Variants in FHIP1A observed in about 807,000 individuals in gnomAD.
FHIP1A encodes FHF complex subunit HOOK-interacting protein 1A.
Under a neutral mutation model 88.6 loss-of-function variants are expected in FHIP1A, and 61 were observed. That is an observed-to-expected ratio of 0.69 (90% CI 0.56 to 0.85). The LOEUF is 0.85. FHIP1A is among the 40% of genes least tolerant of loss of function. The pLI, the probability that FHIP1A is intolerant of heterozygous loss-of-function variation, is 0.00. For missense variants in FHIP1A, 1,154 were observed against 1,273.5 expected, an observed-to-expected ratio of 0.91 and a Z score of 1.43; for synonymous variants, 478 against 496.0, an observed-to-expected ratio of 0.96 and a Z score of 0.48.
At chr4:151,437,895 ACTT>A (rs1236785551) in intron 1 of FHIP1A, among the ~76,000 whole-genome samples, 9 of 152,144 alleles carry the variant, frequency 5.9e-5, no homozygotes, top group African/African-American at 2.2e-4. Context: ...AGAAAAGGAA[ACTT>A]CTTTTTTTAG....
intron 6 of FHIP1A, 65 bp from the exon 7 acceptor site, chr4:151,588,774 TG>T: frequency 9.9e-7 from 1 of 1,006,688 alleles, no homozygotes; most frequent in South Asian, 1.4e-5. Flanking sequence ...TACACAGAAT[TG>T]TTTTATTTTA....
chr4:151,443,724 T>TGTGTGTG (rs370363970), intron 1 of FHIP1A, among the ~76,000 whole-genome samples: 25 of 148,266 alleles, frequency 1.7e-4, no homozygotes, highest in East Asian at 4.0e-4. Context: ...TGTGTGTGTG[T>TGTGTGTG]TTAGTACTGG....
chr4:151,546,855 G>T (rs1234384160), intron 3 of FHIP1A, among the ~76,000 whole-genome samples: 1 of 152,166 alleles, frequency 6.6e-6, no homozygotes, highest in African/African-American at 2.4e-5. Context: ...TGCTACTTTA[G>T]AGCCTAAATC....
intron 3 of FHIP1A, among the ~76,000 whole-genome samples, chr4:151,524,507 C>T (rs1455120657): frequency 2.0e-5 from 3 of 152,044 alleles, no homozygotes; most frequent in African/African-American, 7.3e-5. Context: ...TCCAAGATTC[C>T]TCTTCTTTAC....
rs533698876 is a variant in FHIP1A at position 151,632,428 on chromosome 4, A to G, written c.1146+2559A>G. Among the ~76,000 whole-genome samples the G allele has an allele frequency of 4.9e-4, 75 of 152,136 alleles. No homozygotes were observed. In the Middle Eastern group the frequency reaches 0.01, roughly 21 times the overall value. ...CCCTACTTAAATAGTGGATAAAAAT[A>G]TCAGACAGAAGATAAAGAAGGAAAC... On this transcript the variant is annotated intron_variant, in intron 8 of 13. Transcript: ENST00000435205.
chr4:151,419,230 C>CT (rs1353647182), intron 1 of FHIP1A, among the ~76,000 whole-genome samples: 1 of 152,160 alleles, frequency 6.6e-6, no homozygotes, highest in Non-Finnish European at 1.5e-5. Flanking sequence ...TACAAAAAGA[C>CT]TGAGTAAGGG....
chr4:151,515,985 A>G (rs939438077), intron 3 of FHIP1A, among the ~76,000 whole-genome samples: 3 of 152,254 alleles, frequency 2.0e-5, no homozygotes, highest in African/African-American at 7.2e-5. Flanking sequence ...AAGAGCCCAC[A>G]TCGCCAAGTC....
In FHIP1A at chr4:151,629,837, ACT is replaced by A; in HGVS notation, c.1118_1119del (p.Leu373HisfsTer27). On this transcript the variant is annotated frameshift_variant, in exon 8 of 14. Transcript: ENST00000435205. LOFTEE classifies it high-confidence loss of function. ...GCACGAGAATGTCCACATCCTAGAC[ACT>A]CTCACGAGTCGAATCAACACCCCGT... ...HQHENVHILD[T>X]LTSRINTPFR... 2 of 1,551,198 alleles carry A rather than the reference ACT, an allele frequency of 1.3e-6. No homozygotes were observed. The highest frequency in any genetic ancestry group is 1.7e-6 in the Non-Finnish European group (2 of 1,146,748).
At chr4:151,485,902 A>G (rs1224830742) in intron 3 of FHIP1A, among the ~76,000 whole-genome samples, 1 of 152,020 alleles carries the variant, frequency 6.6e-6, no homozygotes, top group African/African-American at 2.4e-5. Context: ...GTTTATATTT[A>G]ACAAGCCCTC....
chr4:151,650,095 T>G lies in FHIP1A; in HGVS notation c.2054T>G (p.Leu685Arg). The G allele has an allele frequency of 6.4e-7, 1 of 1,551,544 alleles. No individual in the cohort carries two copies. The change falls in exon 11 of 14, where the codon CTC (leucine) becomes CGC (arginine). Residue 685 changes from leucine (L) to arginine (R), a missense_variant. Transcript: ENST00000435205. ...QSVPINNGPLLSTQPETDSEE... is the reference protein window; with the variant it reads ...QSVPINNGPLRSTQPETDSEE... ...GTCCCCATCAACAACGGCCCCCTCC[T>G]CAGCACCCAGCCAGAGACAGATTCA...
intron 3 of FHIP1A, chr4:151,534,651 A>G (rs182242700): frequency 3.3e-4 from 51 of 152,370 alleles, no homozygotes; most frequent in African/African-American, 1.2e-3. Flanking sequence ...CCAAGTAATT[A>G]TAGTGTATTT....
intron 1 of FHIP1A, among the ~76,000 whole-genome samples, chr4:151,419,253 C>CCT (rs748557834): frequency 6.6e-6 from 1 of 151,092 alleles, no homozygotes; most frequent in East Asian, 1.9e-4. Flanking sequence ...AATTCACTCT[C>CCT]CTCTCTCTCT....
intron 2 of FHIP1A, among the ~76,000 whole-genome samples, chr4:151,473,363 C>T (rs529434957): frequency 6.6e-6 from 1 of 151,978 alleles, no homozygotes; most frequent in South Asian, 2.1e-4. Flanking sequence ...ATAGTTAATG[C>T]TCCTTCATTT....
chr4:151,492,955 CCAG>C (rs1730338227), intron 3 of FHIP1A, among the ~76,000 whole-genome samples: 1 of 151,936 alleles, frequency 6.6e-6, no homozygotes, highest in South Asian at 2.1e-4. Context: ...AAACCAAAAC[CCAG>C]CAGAAGGAAA....
intron 3 of FHIP1A, among the ~76,000 whole-genome samples, chr4:151,562,838 GA>G (rs1204547626): frequency 6.6e-6 from 1 of 152,102 alleles, no homozygotes. Context: ...GTCTATCTGG[GA>G]ATGAAGTTTT....
chr4:151,456,239 G>T (rs181548755), intron 2 of FHIP1A, among the ~76,000 whole-genome samples: 23 of 152,186 alleles, frequency 1.5e-4, no homozygotes, highest in Non-Finnish European at 3.1e-4. Context: ...CATTGAAAAG[G>T]TTCTTTTTAA....
intron 3 of FHIP1A, among the ~76,000 whole-genome samples, chr4:151,526,413 C>A (rs1483277335): frequency 1.5e-5 from 1 of 64,982 alleles, no homozygotes; most frequent in Non-Finnish European, 3.7e-5. Context: ...CCTCCCGGAC[C>A]GGGGTGGCTG....
At chr4:151,440,956 G>C (rs1162897864) in intron 1 of FHIP1A, among the ~76,000 whole-genome samples, 1 of 152,026 alleles carries the variant, frequency 6.6e-6, no homozygotes, top group Non-Finnish European at 1.5e-5. Flanking sequence ...TCCTGCTTCT[G>C]CTTTAAATCC....
intron 3 of FHIP1A, among the ~76,000 whole-genome samples, chr4:151,538,030 G>A (rs1408683927): frequency 1.3e-5 from 2 of 152,158 alleles, no homozygotes; most frequent in African/African-American, 4.8e-5. Flanking sequence ...GTGACAGTGG[G>A]GATTCATGGG....
Sources: gnomAD v4.1 joint callset for allele counts (sites outside exome capture counted in the v4.1 genomes callset) on GRCh38, gnomAD v4.1.1 for gene constraint, MANE v1.5 for transcripts, NCBI Gene and HGNC (gene_info 2026-07-23, HGNC 2026-07-21) for gene names.